MIOS: variants seen among roughly 807,000 people sequenced by gnomAD.
MIOS encodes GATOR2 complex protein MIOS.
MIOS carries 52 observed loss-of-function variants against 96.9 expected under a neutral mutation model. The ratio of observed to expected loss-of-function variants is 0.54; its 90% CI spans 0.43 to 0.68. MIOS has a LOEUF of 0.68. MIOS is among the 30% of genes least tolerant of loss of function. The pLI is 0.00. For missense variants in MIOS, 1,005 were observed against 1,052.8 expected (o/e 0.95, Z 0.63); for synonymous variants, 397 against 359.5 (o/e 1.10, Z -1.18).
intron 11 of MIOS, among the ~76,000 whole-genome samples, chr7:7,597,498 ATATATATATATATATATAT>A (rs1784245115): frequency 1.4e-5 from 1 of 69,306 alleles, no homozygotes; most frequent in African/African-American, 5.6e-5. Context: ...ATATATATAT[ATATATATATATATATATAT>A]GAAGGCAATA....
chr7:7,568,493 C>A (rs1331980990), intron 3 of MIOS, among the ~76,000 whole-genome samples: 2 of 152,160 alleles, frequency 1.3e-5, no homozygotes, highest in Non-Finnish European at 1.5e-5. Context: ...AAAAAAAATA[C>A]ACTTCTTAAA....
In MIOS at chr7:7,603,701, T is replaced by G. The variant is rs551879490; in HGVS notation, c.2402-2241T>G. On this transcript the variant is annotated intron_variant, in intron 11 of 12. Coordinates refer to ENST00000340080, the MANE Select transcript of MIOS (RefSeq NM_019005.4). ...TAGAAATACCATTTGACCCAGCCATTCTATTACTGGGTATATACCCAAAGG... is the reference window on the plus strand; with the variant it reads ...TAGAAATACCATTTGACCCAGCCATGCTATTACTGGGTATATACCCAAAGG... Among the ~76,000 whole-genome samples the G allele has an allele frequency of 2.5e-3, 377 of 152,218 alleles. 1 individual carries two copies. The highest frequency in any genetic ancestry group is 8.7e-3 in the African/African-American group (363 of 41,546).
intron 11 of MIOS, among the ~76,000 whole-genome samples, chr7:7,597,471 T>C (rs1268845783): frequency 6.8e-4 from 2 of 2,936 alleles, no homozygotes; most frequent in Non-Finnish European, 1.5e-3. Context: ...AGTAAATTTA[T>C]ATATATATAT....
rs375204213 is a variant in MIOS, at chr7:7,583,227, G to T, written c.1503G>T (p.Lys501Asn). Residue 501 changes from lysine (K) to asparagine (N), a missense_variant, in exon 6 of 13, where the codon AAG (lysine) becomes AAT (asparagine). Transcript: ENST00000340080. ...ILALQLCGWIKKGTDVDVGPF... is the reference protein window; with the variant it reads ...ILALQLCGWINKGTDVDVGPF... ...CTTTACAGCTTTGTGGGTGGATAAA[G>T]AAAGGAACGGATGTAGACGTGGGGC... The T allele has an allele frequency of 6.2e-7, 1 of 1,614,150 alleles. No individual in the cohort carries two copies. The highest frequency in any genetic ancestry group is 2.2e-5 in the East Asian group (1 of 44,878).
At chr7:7,582,929 A>C (rs1176813795) in intron 5 of MIOS, 189 bp from the exon 6 acceptor site, 1 of 632,826 alleles carries the variant, frequency 1.6e-6, no homozygotes, top group Non-Finnish European at 2.5e-6. Context: ...TTGCTAACTC[A>C]AGGAGCTACT....
At chr7:7,580,319 G>T (rs936987775) in intron 5 of MIOS, among the ~76,000 whole-genome samples, 1 of 152,160 alleles carries the variant, frequency 6.6e-6, no homozygotes, top group Non-Finnish European at 1.5e-5. Context: ...TCTTTGGGCT[G>T]ACTCCCCTCA....
At chr7:7,604,153 A>C (rs1009084084) in intron 11 of MIOS, among the ~76,000 whole-genome samples, 1 of 152,166 alleles carries the variant, frequency 6.6e-6, no homozygotes, top group Non-Finnish European at 1.5e-5. Flanking sequence ...AACATGGCAC[A>C]TGTATACATA....
At chr7:7,569,629 G>A (rs986774299) in intron 3 of MIOS, among the ~76,000 whole-genome samples, 2 of 152,176 alleles carry the variant, frequency 1.3e-5, no homozygotes, top group Admixed American at 1.3e-4. Context: ...AGGTACAATG[G>A]AACACCAAAA....
chr7:7,600,184 GAAA>G (rs932129643), intron 11 of MIOS, among the ~76,000 whole-genome samples: 2 of 101,392 alleles, frequency 2.0e-5, no homozygotes, highest in African/African-American at 8.0e-5. Flanking sequence ...TTAAAAAAAA[GAAA>G]AAGAAGCAAA....
chr7:7,602,988 A>T (rs1370470297), intron 11 of MIOS, among the ~76,000 whole-genome samples: 1 of 151,872 alleles, frequency 6.6e-6, no homozygotes, highest in Non-Finnish European at 1.5e-5. Context: ...CCTATTTAAT[A>T]AATGGTGCTG....
Position 7,568,850 on chromosome 7 carries a change from G to T in MIOS, c.-41+727G>T, listed in dbSNP as rs553943813. On this transcript the variant is annotated intron_variant, in intron 3 of 12. Coordinates refer to ENST00000340080, the MANE Select transcript of MIOS (RefSeq NM_019005.4). ...AAGTTTTGATTCTGTATGAATTACT[G>T]TCATCAGATTTTGTGGATGGCAATA... Among the ~76,000 whole-genome samples, 10 of 152,306 alleles carry T rather than the reference G, an allele frequency of 6.6e-5. No individual in the cohort carries two copies. The East Asian group carries it at 1.7e-3, about 26-fold the overall frequency.
At chr7:7,580,502 A>G (rs1055573113) in intron 5 of MIOS, among the ~76,000 whole-genome samples, 2 of 152,156 alleles carry the variant, frequency 1.3e-5, no homozygotes, top group Admixed American at 1.3e-4. Context: ...TAATTTTTGT[A>G]TTTCCAAAAT....
At chr7:7,600,623 C>CT (rs1224979713) in intron 11 of MIOS, among the ~76,000 whole-genome samples, 1 of 152,130 alleles carries the variant, frequency 6.6e-6, no homozygotes, top group Non-Finnish European at 1.5e-5. Flanking sequence ...TAATGGGAGA[C>CT]TTTAACACCC....
At position 7,573,270 on chromosome 7, in the gene MIOS, G is replaced by A; in HGVS notation, c.795G>A (p.Glu265=). Residue 265 remains glutamate (E), a synonymous_variant, in exon 4 of 13, where the codon GAG becomes GAA. Transcript: ENST00000340080. The surrounding 1 kb of genome is among the most constrained non-coding windows in gnomAD (Gnocchi z 5.0). Reference sequence around the variant, plus strand: ...AGAAGCCAGTTTTGACATTGACTGAGCAACCAAAACCCTTAACAAAAGTAG... The same window carrying A: ...AGAAGCCAGTTTTGACATTGACTGAACAACCAAAACCCTTAACAAAAGTAG... The part of the protein sequence containing the change: ...KFEKPVLTLT[E]QPKPLTKVAW... 1 of 1,614,100 alleles carries A rather than the reference G, an allele frequency of 6.2e-7. No individual in the cohort carries two copies. The highest frequency in any genetic ancestry group is 8.5e-7 in the Non-Finnish European group (1 of 1,179,978).
At position 7,573,210 on chromosome 7, in the gene MIOS, A is replaced by G; in HGVS notation, c.735A>G (p.Glu245=). Residue 245 remains glutamate, a synonymous_variant, in exon 4 of 13, where the codon GAA becomes GAG. Coordinates refer to ENST00000340080, the MANE Select transcript of MIOS (RefSeq NM_019005.4). This position sits in a 1 kb window ranked among gnomAD's most constrained non-coding sequence, Gnocchi z 5.0. ...ACGATCGTGTTGCTTCCTTCTATGA[A>G]GGTCAGGTTGCAATATGGGATCTTA... is the stretch of plus-strand genomic sequence containing the variant. ...YFHDRVASFY[E]GQVAIWDLRK... 6.2e-7 allele frequency: 1 copy of G among 1,614,134 alleles called. No homozygotes were observed. Among genetic ancestry groups the G allele is most frequent in the East Asian group, 2.2e-5 (1 of 44,884 alleles).
intron 9 of MIOS, among the ~76,000 whole-genome samples, chr7:7,592,273 G>A (rs1784071917): frequency 2.0e-5 from 3 of 152,226 alleles, no homozygotes; most frequent in Admixed American, 6.5e-5. Context: ...ACAGGCGCAA[G>A]CCGCTGTGCC....
rs748191896 is a variant in MIOS, at chr7:7,596,370, T to G, written c.2310T>G (p.Ser770=). The change falls in exon 11 of 13, where the codon TCT becomes TCG. Residue 770 remains serine (S), a synonymous_variant. Coordinates refer to ENST00000340080, the MANE Select transcript of MIOS (RefSeq NM_019005.4). ...QYGVSGSPTK[S]KVTSCPGCRK... ...GTGTGAGTGGCTCACCAACGAAATC[T>G]AAAGTCACAAGTTGTCCTGGCTGTC... is the stretch of plus-strand genomic sequence containing the variant. The G allele has an allele frequency of 1.9e-4, 306 of 1,614,094 alleles. No homozygotes were observed. Among genetic ancestry groups the G allele is most frequent in the Non-Finnish European group, 2.5e-4 (298 of 1,180,036 alleles).
At chr7:7,583,039 A>G (rs895042122) in intron 5 of MIOS, 79 bp from the exon 6 acceptor site, 2 of 1,406,602 alleles carry the variant, frequency 1.4e-6, no homozygotes, top group Non-Finnish European at 1.9e-6. Context: ...AAATGTGTCA[A>G]CATAGTTCTC....
In MIOS at chr7:7,589,698, C is replaced by CTACTGAA. The variant is rs1783994123; in HGVS notation, c.2043+136_2043+142dup. ...TTTAGTTTTAACCTAATCAGTTGAT[C>CTACTGAA]TACTGAAGACTTGTGCCTTATCTTA... On this transcript the variant is annotated intron_variant, in intron 9 of 12. Transcript: ENST00000340080. 1.7e-5 allele frequency: 15 copies of CTACTGAA among 877,694 alleles called. No homozygotes were observed. In the South Asian group the frequency reaches 3.2e-4, roughly 18 times the overall value. The allele number at this position is 877,694 out of a possible 1,614,324, so 54.4% of individuals were successfully genotyped here.
Sources: gnomAD v4.1 joint callset for allele counts (sites outside exome capture counted in the v4.1 genomes callset) on GRCh38, gnomAD v4.1.1 for gene constraint, Gnocchi (gnomAD v3.1) non-coding constraint, MANE v1.5 for transcripts, NCBI Gene and HGNC (gene_info 2026-07-23, HGNC 2026-07-21) for gene names.